CLYBL: variants seen among roughly 807,000 people sequenced by gnomAD.
CLYBL encodes the protein citramalyl-CoA lyase, mitochondrial.
A neutral mutation model predicts 38.9 loss-of-function variants in CLYBL; 31 were observed. The ratio of observed to expected loss-of-function variants is 0.80; its 90% confidence interval spans 0.60 to 1.08. CLYBL has a LOEUF of 1.08. CLYBL is among the 50% of genes least tolerant of loss of function. The probability of loss-of-function intolerance (pLI) is 0.00; values close to 1 mark genes in which losing one functional copy is unlikely to be tolerated. For missense variants in CLYBL, 434 were observed against 411.6 expected, an observed-to-expected ratio of 1.05 and a Z score of -0.47; for synonymous variants, 171 against 158.6, an observed-to-expected ratio of 1.08 and a Z score of -0.59.
chr13:99,892,629 A>G (rs916972541), downstream of CLYBL: 2 of 152,502 alleles, frequency 1.3e-5, no homozygotes, highest in African/African-American at 4.8e-5. Flanking sequence ...CTCTACACCA[A>G]CCTTTTCATG....
intron 1 of CLYBL, among the ~76,000 whole-genome samples, chr13:99,738,864 A>G (rs1423989025): frequency 6.6e-6 from 1 of 152,148 alleles, no homozygotes; most frequent in East Asian, 1.9e-4. Context: ...ACTGTACTGC[A>G]CAGCGTTCCC....
At chr13:99,898,045 G>T (rs1304574244), downstream of CLYBL, among the ~76,000 whole-genome samples, 2 of 152,140 alleles carry the variant, frequency 1.3e-5, no homozygotes, top group Admixed American at 1.3e-4. Flanking sequence ...CATAAATAAA[G>T]GAGTTGATAC....
At chr13:99,751,474 G>A (rs1161310979) in intron 1 of CLYBL, among the ~76,000 whole-genome samples, 1 of 152,166 alleles carries the variant, frequency 6.6e-6, no homozygotes, top group African/African-American at 2.4e-5. Context: ...TCCTACCTCA[G>A]CCTCCCAAAG....
At chr13:99,827,277 C>A (rs2050713281) in intron 2 of CLYBL, among the ~76,000 whole-genome samples, 1 of 152,140 alleles carries the variant, frequency 6.6e-6, no homozygotes, top group South Asian at 2.1e-4. Flanking sequence ...CTCTAATTCC[C>A]AGAGCTAGTG....
At chr13:99,710,754 C>G (rs1313137547) in intron 1 of CLYBL, among the ~76,000 whole-genome samples, 1 of 152,146 alleles carries the variant, frequency 6.6e-6, no homozygotes, top group East Asian at 1.9e-4. Flanking sequence ...GGAATTCTTA[C>G]CCATAGCTTA....
intron 1 of CLYBL, among the ~76,000 whole-genome samples, chr13:99,608,438 C>T (rs960477708): frequency 6.6e-5 from 10 of 152,148 alleles, no homozygotes; most frequent in Non-Finnish European, 1.2e-4. Context: ...TATGGGAGGA[C>T]CCACCTAGTC....
chr13:99,817,526 G>A (rs1343509618), intron 2 of CLYBL, among the ~76,000 whole-genome samples: 2 of 149,944 alleles, frequency 1.3e-5, no homozygotes, highest in African/African-American at 4.9e-5. Flanking sequence ...GTGGTGGCAG[G>A]TGCCTGTAGT....
intron 7 of CLYBL, among the ~76,000 whole-genome samples, chr13:99,871,691 A>C (rs924920537): frequency 4.6e-5 from 7 of 152,184 alleles, no homozygotes; most frequent in Non-Finnish European, 8.8e-5. Context: ...GGTAATGCAC[A>C]ATCTGTCTCC....
At chr13:99,855,955 G>C (rs147412429) in intron 2 of CLYBL, among the ~76,000 whole-genome samples, 231 of 152,308 alleles carry the variant, frequency 1.5e-3, no homozygotes, top group African/African-American at 5.5e-3. Context: ...GCCATCCTCT[G>C]TTTTTGGAAA....
At chr13:99,707,604 G>GTTCATTA (rs2048166073) in intron 1 of CLYBL, among the ~76,000 whole-genome samples, 1 of 152,210 alleles carries the variant, frequency 6.6e-6, no homozygotes, top group Admixed American at 6.5e-5. Flanking sequence ...CATTTACAAT[G>GTTCATTA]ATATGTTTTA....
At chr13:99,642,051 C>T (rs1214408923) in intron 1 of CLYBL, among the ~76,000 whole-genome samples, 2 of 152,204 alleles carry the variant, frequency 1.3e-5, no homozygotes, top group East Asian at 3.8e-4. Context: ...TCAAGGAGGA[C>T]AGACACCCTG....
intron 2 of CLYBL, among the ~76,000 whole-genome samples, chr13:99,832,995 C>CATATATATATATATAT (rs1566345599): frequency 6.5e-5 from 3 of 46,094 alleles, no homozygotes; most frequent in Non-Finnish European, 1.3e-4. Flanking sequence ...GTAGTATATA[C>CATATATATATATATAT]ATACATACAT....
chr13:99,704,348 C>T (rs74112541), intron 1 of CLYBL, among the ~76,000 whole-genome samples: 6,416 of 152,206 alleles, frequency 0.042, 440 homozygotes, highest in African/African-American at 0.15. Context: ...TGGTTACTTT[C>T]TCTTTTTGGA....
At chr13:99,637,941 A>T (rs2047042820) in intron 1 of CLYBL, among the ~76,000 whole-genome samples, 1 of 142,564 alleles carries the variant, frequency 7.0e-6, no homozygotes, top group African/African-American at 2.6e-5. Flanking sequence ...ATTCTTATCT[A>T]GTTATCCAAG....
chr13:99,657,910 GC>G (rs1461797170), intron 1 of CLYBL, among the ~76,000 whole-genome samples: 1 of 152,224 alleles, frequency 6.6e-6, no homozygotes, highest in Non-Finnish European at 1.5e-5. Flanking sequence ...AGCCAAGTCG[GC>G]TTCCTTAGGA....
chr13:99,642,870 C>T (rs1356856799), intron 1 of CLYBL, among the ~76,000 whole-genome samples: 1 of 152,172 alleles, frequency 6.6e-6, no homozygotes, highest in African/African-American at 2.4e-5. Flanking sequence ...ACCATCCTCC[C>T]ACCTCAGCCT....
intron 2 of CLYBL, among the ~76,000 whole-genome samples, chr13:99,811,996 C>T (rs1331825876): frequency 6.6e-6 from 1 of 152,148 alleles, no homozygotes; most frequent in Admixed American, 6.5e-5. Context: ...ATCCTGTATC[C>T]ACTATTCCAA....
chr13:99,730,664 GA>G (rs1238554395), intron 1 of CLYBL, among the ~76,000 whole-genome samples: 1 of 152,194 alleles, frequency 6.6e-6, no homozygotes, highest in African/African-American at 2.4e-5. Context: ...CTGAAGGCCA[GA>G]GGGGACCACG....
At chr13:99,609,578 C>T (rs1016158987) in intron 1 of CLYBL, among the ~76,000 whole-genome samples, 6 of 152,042 alleles carry the variant, frequency 3.9e-5, no homozygotes, top group Admixed American at 3.9e-4. Context: ...ACTCTGTCAC[C>T]CAGGCTGGAG....
Sources: allele counts gnomAD v4.1 joint callset (sites outside exome capture counted in the v4.1 genomes callset), GRCh38; gene constraint gnomAD v4.1.1; transcripts MANE v1.5; gene names NCBI Gene and HGNC (gene_info 2026-07-23, HGNC 2026-07-21).